The following SEMA3B variants were observed in gnomAD, a reference collection of about 807,000 sequenced individuals.
The protein encoded by SEMA3B is semaphorin-3B.
A neutral mutation model predicts 77.8 loss-of-function variants in SEMA3B; 71 were observed. The ratio of observed to expected loss-of-function variants is 0.91; its 90% CI spans 0.75 to 1.11. The LOEUF is 1.11. Among genes scored for constraint, SEMA3B ranks in the 50% most tolerant of loss-of-function variants. SEMA3B has a pLI of 0.00. For missense variants in SEMA3B, 968 were observed against 1,056.8 expected, an observed-to-expected ratio of 0.92 and a Z score of 1.17; for synonymous variants, 470 against 452.9, an observed-to-expected ratio of 1.04 and a Z score of -0.48.
rs879960309 is a variant in SEMA3B at position 50,274,837 on chromosome 3, C to T, written c.1358-6C>T. The T allele has an allele frequency of 6.2e-7, 1 of 1,610,456 alleles. No individual in the cohort carries two copies. Among genetic ancestry groups the T allele is most frequent in the Admixed American group, 1.7e-5 (1 of 59,874 alleles). On this transcript the variant is annotated splice_polypyrimidine_tract_variant and splice_region_variant and intron_variant, in intron 11 of 16. Coordinates refer to ENST00000616701, the MANE Select transcript of SEMA3B (RefSeq NM_001290060.2). This position sits in a 1 kb window ranked among gnomAD's most constrained non-coding sequence, Gnocchi z 4.7. ...CAATGGTCATTACCCCTTCTCATCC[C>T]TGCAGACGTTGGCACGGTGCTGAAG...
upstream of SEMA3B, among the ~76,000 whole-genome samples, chr3:50,265,248 A>G (rs998742632): frequency 2.0e-5 from 3 of 152,230 alleles, no homozygotes; most frequent in Admixed American, 2.0e-4. Flanking sequence ...TCCTCTGGGC[A>G]GCATGACCTG....
chr3:50,262,317 C>G, the SEMA3B span: 1 of 151,882 alleles, frequency 6.6e-6, no homozygotes, highest in African/African-American at 2.4e-5. Flanking sequence ...AAAAGGAGAC[C>G]CTGACTGGAT....
chr3:50,263,958 G>A (rs1345819174), upstream of SEMA3B, among the ~76,000 whole-genome samples: 1 of 152,118 alleles, frequency 6.6e-6, no homozygotes, highest in Non-Finnish European at 1.5e-5. Flanking sequence ...AGCACTTTGG[G>A]AGGCCAAGGC....
chr3:50,267,943 C>A (rs1359066220), upstream of SEMA3B, among the ~76,000 whole-genome samples: 1 of 152,116 alleles, frequency 6.6e-6, no homozygotes, highest in Non-Finnish European at 1.5e-5. The surrounding 1 kb of genome is among the most constrained non-coding windows in gnomAD (Gnocchi z 5.7). Context: ...CAGCACCTGC[C>A]CAGCTGACCC....
chr3:50,275,135 G>A lies in SEMA3B; in HGVS notation c.1491+82G>A. On this transcript the variant is annotated intron_variant, in intron 13 of 16. Transcript: ENST00000616701. This position sits in a 1 kb window ranked among gnomAD's most constrained non-coding sequence, Gnocchi z 7.5. ...CCCAAGCCTCTGGCCCCTTTTGGTAGTTTGCAGTCCCGGGTTTGAGTACAG... is the reference window on the plus strand; with the variant it reads ...CCCAAGCCTCTGGCCCCTTTTGGTAATTTGCAGTCCCGGGTTTGAGTACAG... The A allele has an allele frequency of 6.7e-7, 1 of 1,497,794 alleles. No individual in the cohort carries two copies. Among genetic ancestry groups the A allele is most frequent in the South Asian group, 1.3e-5 (1 of 74,372 alleles). The allele number at this position is 1,497,794 out of a possible 1,614,324, so 92.8% of individuals were successfully genotyped here.
At position 50,276,702 on chromosome 3, in the gene SEMA3B, G is replaced by A; in HGVS notation, c.2246G>A (p.Trp749Ter). ...AERGPRSATH[W>*] The stretch of plus-strand genomic sequence containing the variant: ...CGGGGGCCGCGCAGCGCAACGCACT[G>A]GTGACCAGACTGTCCCCACGCCGGG... Residue 749 changes from tryptophan to a stop codon, truncating the protein, a stop_gained, in exon 17 of 17, where the codon TGG (tryptophan) becomes TAG (stop). Transcript: ENST00000616701. LOFTEE classifies it high-confidence loss of function. This position sits in a 1 kb window ranked among gnomAD's most constrained non-coding sequence, Gnocchi z 5.8. The A allele has an allele frequency of 6.6e-7, 1 of 1,521,202 alleles. No individual in the cohort carries two copies. The highest frequency in any genetic ancestry group is 8.8e-7 in the Non-Finnish European group (1 of 1,142,180). The allele number at this position is 1,521,202 out of a possible 1,614,324, so 94.2% of individuals were successfully genotyped here.
At position 50,269,522 on chromosome 3, in the gene SEMA3B, GC is replaced by G. The variant is rs1455858451; in HGVS notation, c.109+178del. On this transcript the variant is annotated intron_variant, in intron 1 of 16. Transcript: ENST00000616701. The surrounding 1 kb of genome is among the most constrained non-coding windows in gnomAD (Gnocchi z 4.0). ...TCCAGTTAACCCTGTCCGGGCCTCAGCCCCCAGCCTCTGCCCACATTCTCTT... is the reference window on the plus strand; with the variant it reads ...TCCAGTTAACCCTGTCCGGGCCTCAGCCCCAGCCTCTGCCCACATTCTCTT... 4.6e-5 allele frequency among the ~76,000 whole-genome samples: 7 copies of G among 151,928 alleles called. No individual in the cohort carries two copies. The South Asian group carries it at 1.2e-3, about 27-fold the overall frequency.
At chr3:50,271,323 C>T (rs2109239103) in intron 5 of SEMA3B, 38 bp from the exon 6 acceptor site, 1 of 1,554,526 alleles carries the variant, frequency 6.4e-7, no homozygotes, top group South Asian at 1.2e-5. Flanking sequence ...GCCCCAAGAG[C>T]CCTCCATTTG....
intron 6 of SEMA3B, chr3:50,272,989 C>A (rs1575470371): frequency 2.8e-6 from 1 of 356,834 alleles, no homozygotes; most frequent in East Asian, 6.4e-5. Flanking sequence ...CCTCATCTCC[C>A]TCCTACCCCA....
chr3:50,273,186 C>A lies in SEMA3B; in HGVS notation c.665-112C>A. 1 of 1,445,806 alleles carries A rather than the reference C, an allele frequency of 6.9e-7. No homozygotes were observed. Among genetic ancestry groups the A allele is most frequent in the Non-Finnish European group, 9.3e-7 (1 of 1,079,006 alleles). The allele number at this position is 1,445,806 out of a possible 1,614,324, so 89.6% of individuals were successfully genotyped here. On this transcript the variant is annotated intron_variant, in intron 6 of 16. Coordinates refer to ENST00000616701, the MANE Select transcript of SEMA3B (RefSeq NM_001290060.2). The surrounding 1 kb of genome is among the most constrained non-coding windows in gnomAD (Gnocchi z 6.5). Reference sequence around the variant, plus strand: ...TGGTGCTAGAGGTTGGGTGGTCAGACACTGTGATCCCGGGTGCTGTGCCCG... The same window carrying A: ...TGGTGCTAGAGGTTGGGTGGTCAGAAACTGTGATCCCGGGTGCTGTGCCCG...
At position 50,271,447 on chromosome 3, in the gene SEMA3B, C is replaced by G; in HGVS notation, c.631C>G (p.Arg211Gly). ...FRSLGQRPSLRTEPHDSRWLN... is the reference protein window; with the variant it reads ...FRSLGQRPSLGTEPHDSRWLN... ...CAGCCTAGGGCAACGTCCAAGTCTC[C>G]GAACAGAGCCACACGACTCCCGCTG... The change falls in exon 6 of 17, where the codon CGA becomes GGA. Residue 211 changes from arginine (R) to glycine (G), a missense_variant. Transcript: ENST00000616701. The G allele has an allele frequency of 5.7e-6, 9 of 1,578,172 alleles. No homozygotes were observed. The highest frequency in any genetic ancestry group is 6.9e-6 in the Non-Finnish European group (8 of 1,162,106).
In SEMA3B at chr3:50,274,325, C is replaced by G. The variant is rs1553706076; in HGVS notation, c.1138-38C>G. 1 of 1,451,068 alleles carries G rather than the reference C, an allele frequency of 6.9e-7. No individual in the cohort carries two copies. The highest frequency in any genetic ancestry group is 2.4e-5 in the Admixed American group (1 of 41,492). 89.9% of individuals were successfully genotyped at this position (1,451,068 alleles called of 1,614,324 possible). A position where few individuals can be genotyped will look rare whatever the true frequency, so the allele number is the denominator to read the frequency against. On this transcript the variant is annotated intron_variant, in intron 10 of 16. Coordinates refer to ENST00000616701, the MANE Select transcript of SEMA3B (RefSeq NM_001290060.2). This position sits in a 1 kb window ranked among gnomAD's most constrained non-coding sequence, Gnocchi z 4.7. ...AGGGCTGCCTATCAAGCCCCCATAT[C>G]TATATCCCTGCTGTGCCTCCCTTTC...
In SEMA3B at chr3:50,274,881, G is replaced by A. The variant is rs1046328587; in HGVS notation, c.1396G>A (p.Gly466Ser). ...TVLKVISVPK[G>S]SRPSAEGLLL... ...GCTGAAGGTGATCTCGGTCCCCAAG[G>A]GCAGTAGGCCCAGCGCAGAGGGGCT... The change falls in exon 12 of 17, where the codon GGC becomes AGC. Residue 466 changes from glycine (G) to serine (S), a missense_variant. Physicochemically the swap from Gly to Ser is moderately conservative, Grantham distance 56 (BLOSUM62 0). Coordinates refer to ENST00000616701, the MANE Select transcript of SEMA3B (RefSeq NM_001290060.2). This position sits in a 1 kb window ranked among gnomAD's most constrained non-coding sequence, Gnocchi z 4.7. 6.2e-7 allele frequency: 1 copy of A among 1,611,248 alleles called. No homozygotes were observed. The highest frequency in any genetic ancestry group is 8.5e-7 in the Non-Finnish European group (1 of 1,179,816).
At position 50,273,141 on chromosome 3, in the gene SEMA3B, C is replaced by A; in HGVS notation, c.665-157C>A. ...GCCCTGATCCTTTGGATTCGGTCCG[C>A]GCAGAGCGCCAACTGGACATGGTGC... On this transcript the variant is annotated intron_variant, in intron 6 of 16. Transcript: ENST00000616701. The surrounding 1 kb of genome is among the most constrained non-coding windows in gnomAD (Gnocchi z 6.5). 1 of 1,192,992 alleles carries A rather than the reference C, an allele frequency of 8.4e-7. No homozygotes were observed. Among genetic ancestry groups the A allele is most frequent in the Non-Finnish European group, 1.2e-6 (1 of 866,474 alleles). The allele number at this position is 1,192,992 out of a possible 1,614,324, so 73.9% of individuals were successfully genotyped here. A position where few individuals can be genotyped will look rare whatever the true frequency, so the allele number is the denominator to read the frequency against.
In SEMA3B at chr3:50,273,128, T is replaced by C. The variant is rs1701102700; in HGVS notation, c.665-170T>C. The C allele has an allele frequency of 9.1e-7, 1 of 1,094,720 alleles. No homozygotes were observed. The highest frequency in any genetic ancestry group is 2.7e-5 in the East Asian group (1 of 37,154). The allele number at this position is 1,094,720 out of a possible 1,614,324, so 67.8% of individuals were successfully genotyped here. A position where few individuals can be genotyped will look rare whatever the true frequency, so the allele number is the denominator to read the frequency against. ...TCTTGCCTCGCAGGCCCTGATCCTT[T>C]GGATTCGGTCCGCGCAGAGCGCCAA... On this transcript the variant is annotated intron_variant, in intron 6 of 16. Coordinates refer to ENST00000616701, the MANE Select transcript of SEMA3B (RefSeq NM_001290060.2). The surrounding 1 kb of genome is among the most constrained non-coding windows in gnomAD (Gnocchi z 6.5).
chr3:50,274,102 A>T lies in SEMA3B; in HGVS notation c.1137+45A>T. On this transcript the variant is annotated intron_variant, in intron 10 of 16. Coordinates refer to ENST00000616701, the MANE Select transcript of SEMA3B (RefSeq NM_001290060.2). The surrounding 1 kb of genome is among the most constrained non-coding windows in gnomAD (Gnocchi z 4.7). ...CTGCTACAACCCACTTCAAAGCCTCAAGGGTTTGAGAACTTGGCCTGGGGT... is the reference window on the plus strand; with the variant it reads ...CTGCTACAACCCACTTCAAAGCCTCTAGGGTTTGAGAACTTGGCCTGGGGT... The T allele has an allele frequency of 6.3e-7, 1 of 1,594,746 alleles. No homozygotes were observed. The highest frequency in any genetic ancestry group is 8.5e-7 in the Non-Finnish European group (1 of 1,174,016).
At position 50,270,572 on chromosome 3, in the gene SEMA3B, G is replaced by C; in HGVS notation, c.330+77G>C. 6.3e-7 allele frequency: 1 copy of C among 1,590,456 alleles called. No individual in the cohort carries two copies. Among genetic ancestry groups the C allele is most frequent in the Non-Finnish European group, 8.6e-7 (1 of 1,164,196 alleles). On this transcript the variant is annotated intron_variant, in intron 3 of 16. Transcript: ENST00000616701. The surrounding 1 kb of genome is among the most constrained non-coding windows in gnomAD (Gnocchi z 4.7). ...AGAGACAGGGCAGGGCTAAAACAGA[G>C]GCCTGCCTGTTCTGGCTGGGATGAG...
upstream of SEMA3B, chr3:50,266,985 T>A (rs587627446): frequency 6.5e-6 from 1 of 152,770 alleles, no homozygotes; most frequent in African/African-American, 2.4e-5. Flanking sequence ...GGACTCCAGA[T>A]GGGCCCCGCC....
At position 50,273,440 on chromosome 3, in the gene SEMA3B, C is replaced by T; in HGVS notation, c.807C>T (p.Cys269=). Residue 269 remains cysteine, a synonymous_variant, in exon 7 of 17, where the codon TGC becomes TGT. Transcript: ENST00000616701. The surrounding 1 kb of genome is among the most constrained non-coding windows in gnomAD (Gnocchi z 6.5). The stretch of plus-strand genomic sequence containing the variant: ...CCGTGTCCCGCGTTGGCCAGATCTG[C>T]CGGGTGAGGAGTCCCTGGGCCACAC... ...RLSVSRVGQI[C]RNDVGGQRSL... The T allele has an allele frequency of 1.2e-6, 2 of 1,613,276 alleles. No homozygotes were observed. The highest frequency in any genetic ancestry group is 1.7e-6 in the Non-Finnish European group (2 of 1,179,578).
Sources: allele counts gnomAD v4.1 joint callset (sites outside exome capture counted in the v4.1 genomes callset), GRCh38; gene constraint gnomAD v4.1.1; non-coding constraint Gnocchi (gnomAD v3.1); transcripts MANE v1.5; gene names NCBI Gene and HGNC (gene_info 2026-07-23, HGNC 2026-07-21).